The following ACAP2 variants were observed in gnomAD, a reference collection of about 807,000 sequenced individuals.
ACAP2 encodes ArfGAP with coiled-coil, ankyrin repeat and PH domains 2.
ACAP2 carries 39 observed loss-of-function variants against 115.8 expected under a neutral mutation model. That is an observed-to-expected ratio of 0.34 (90% CI 0.26 to 0.44). The LOEUF (loss-of-function observed/expected upper bound fraction) is 0.44. Among genes scored for constraint, ACAP2 ranks in the 20% least tolerant of loss-of-function variants. The pLI is 1.00. For missense variants in ACAP2, 662 were observed against 927.6 expected (o/e 0.71, Z 3.72); for synonymous variants, 289 against 315.8 (o/e 0.92, Z 0.90).
Position 195,326,909 on chromosome 3 carries a change from T to C in ACAP2, c.720A>G (p.Gln240=). The C allele has an allele frequency of 6.2e-7, 1 of 1,614,048 alleles. No individual in the cohort carries two copies. The highest frequency in any genetic ancestry group is 8.5e-7 in the Non-Finnish European group (1 of 1,179,970). ...DAAKEKREME[Q]KHSTIQQKDF... is the part of the protein sequence containing the mutation. Reference sequence around the variant, plus strand: ...CCTTTTGTTGAATGGTGGAATGTTTTTGCTCCATTTCTCTTTTCTCCTTTG... The same window carrying C: ...CCTTTTGTTGAATGGTGGAATGTTTCTGCTCCATTTCTCTTTTCTCCTTTG... Residue 240 remains glutamine, a synonymous_variant, in exon 9 of 23, where the codon CAA becomes CAG. Transcript: ENST00000326793.
chr3:195,303,382 C>A (rs952299523), intron 13 of ACAP2, among the ~76,000 whole-genome samples: 1 of 151,832 alleles, frequency 6.6e-6, no homozygotes, highest in African/African-American at 2.4e-5. Context: ...GCACTCCAGC[C>A]TGGGTGACAG....
intron 4 of ACAP2, among the ~76,000 whole-genome samples, chr3:195,364,313 C>A (rs1019361798): frequency 6.6e-6 from 1 of 152,100 alleles, no homozygotes; most frequent in African/African-American, 2.4e-5. Flanking sequence ...AAAAGACATA[C>A]AAATGGCCAA....
chr3:195,432,150 T>G (rs1715177425), intron 1 of ACAP2, among the ~76,000 whole-genome samples: 1 of 152,224 alleles, frequency 6.6e-6, no homozygotes. Flanking sequence ...TGCATGACTT[T>G]TAATGTTCTG....
intron 4 of ACAP2, among the ~76,000 whole-genome samples, chr3:195,372,016 G>A (rs1733184248): frequency 6.6e-6 from 1 of 152,114 alleles, no homozygotes; most frequent in Admixed American, 6.6e-5. Context: ...TTTTAAGAAA[G>A]CAGAATTACA....
chr3:195,384,891 A>T (rs1734190956), intron 2 of ACAP2, among the ~76,000 whole-genome samples: 1 of 152,194 alleles, frequency 6.6e-6, no homozygotes, highest in Non-Finnish European at 1.5e-5. Flanking sequence ...AAAAATAATT[A>T]AAAGTTTCCA....
chr3:195,382,109 T>C, intron 2 of ACAP2, 87 bp from the exon 3 acceptor site: 1 of 1,272,326 alleles, frequency 7.9e-7, no homozygotes, highest in Non-Finnish European at 1.1e-6. Flanking sequence ...CTATATGAGG[T>C]GACCTAGTTA....
At chr3:195,431,758 C>A (rs569187935) in intron 1 of ACAP2, among the ~76,000 whole-genome samples, 1 of 151,992 alleles carries the variant, frequency 6.6e-6, no homozygotes, top group South Asian at 2.1e-4. Context: ...CTATGTTTAA[C>A]TTCTTATCTT....
chr3:195,357,601 C>T (rs576876653), intron 4 of ACAP2: 1 of 152,330 alleles, frequency 6.6e-6, no homozygotes, highest in Admixed American at 6.5e-5. Flanking sequence ...CTTGTATCAC[C>T]CCTCTCCAAG....
chr3:195,279,083 ACTT>A lies in ACAP2; in HGVS notation c.*242_*244del. ...TAGAGATGGCCTAAATCTAGACTGA[ACTT>A]CTGTCTACAGAAATAGCCCTTTAAA... is the stretch of plus-strand genomic sequence containing the variant. On this transcript the variant is annotated 3_prime_UTR_variant, in exon 23 of 23. Coordinates refer to ENST00000326793, the MANE Select transcript of ACAP2 (RefSeq NM_012287.6). 3.1e-6 allele frequency: 1 copy of A among 319,638 alleles called. No individual in the cohort carries two copies. Among genetic ancestry groups the A allele is most frequent in the Non-Finnish European group, 5.6e-6 (1 of 177,194 alleles). The allele number at this position is 319,638 out of a possible 1,614,324, so 19.8% of individuals were successfully genotyped here. A position where few individuals can be genotyped will look rare whatever the true frequency, so the allele number is the denominator to read the frequency against.
At position 195,299,666 on chromosome 3, in the gene ACAP2, A is replaced by G. The variant is rs528526107; in HGVS notation, c.1395+1909T>C. 2.0e-5 allele frequency among the ~76,000 whole-genome samples: 3 copies of G among 152,288 alleles called. No individual in the cohort carries two copies. In the South Asian group the frequency reaches 6.2e-4, roughly 32 times the overall value. On this transcript the variant is annotated intron_variant, in intron 15 of 22. Transcript: ENST00000326793. The stretch of plus-strand genomic sequence containing the variant: ...AACCTGGCTAAGACGGTGAAACTCC[A>G]TCTCTACTAAAAATACAAAAAATTA...
intron 1 of ACAP2, chr3:195,412,945 A>C (rs781611604): frequency 1.8e-5 from 8 of 455,452 alleles, no homozygotes; most frequent in South Asian, 1.1e-4. Flanking sequence ...ATTAGTAAAC[A>C]GATATGAAAT....
chr3:195,345,022 T>A (rs1045073576), intron 5 of ACAP2, among the ~76,000 whole-genome samples: 1 of 152,284 alleles, frequency 6.6e-6, no homozygotes, highest in African/African-American at 2.4e-5. Context: ...TAGCTACATA[T>A]CCTAGCCAAG....
intron 10 of ACAP2, among the ~76,000 whole-genome samples, chr3:195,315,318 G>C (rs1040973243): frequency 1.3e-5 from 2 of 152,190 alleles, no homozygotes; most frequent in African/African-American, 4.8e-5. Flanking sequence ...ACAATGACTG[G>C]CCTTATATGC....
chr3:195,360,690 A>G (rs1372335930), intron 4 of ACAP2, among the ~76,000 whole-genome samples: 2 of 152,214 alleles, frequency 1.3e-5, no homozygotes, highest in African/African-American at 4.8e-5. Flanking sequence ...GCAGTTTGGG[A>G]AGCCAAGGCA....
chr3:195,420,520 T>A (rs1349771627), intron 1 of ACAP2, among the ~76,000 whole-genome samples: 1 of 151,902 alleles, frequency 6.6e-6, no homozygotes, highest in African/African-American at 2.4e-5. Context: ...GGCTAATTTT[T>A]TGTACTTTTA....
In ACAP2 at chr3:195,387,099, C is replaced by T. The variant is rs138752382; in HGVS notation, c.111+4991G>A. On this transcript the variant is annotated intron_variant, in intron 2 of 22. Transcript: ENST00000326793. The stretch of plus-strand genomic sequence containing the variant: ...CGCTGCAGCTATCCAGGAGGAAGGA[C>T]GGACTTGGCAATGAAGAGGGAGGGA... 1.5e-3 allele frequency among the ~76,000 whole-genome samples: 231 copies of T among 152,100 alleles called. 2 individuals are homozygous for T. The highest frequency in any genetic ancestry group is 5.2e-3 in the African/African-American group (217 of 41,482).
At chr3:195,386,893 C>T (rs1290511461) in intron 2 of ACAP2, among the ~76,000 whole-genome samples, 2 of 151,870 alleles carry the variant, frequency 1.3e-5, no homozygotes, top group African/African-American at 2.4e-5. Flanking sequence ...AGGCTGAGAA[C>T]TGGAAGGACT....
At chr3:195,302,400 A>G (rs1329725224) in intron 13 of ACAP2, among the ~76,000 whole-genome samples, 2 of 152,214 alleles carry the variant, frequency 1.3e-5, no homozygotes, top group African/African-American at 4.8e-5. Flanking sequence ...TTAAAATTAT[A>G]TATAATAAAT....
At chr3:195,404,709 T>TATAC (rs1712597308) in intron 1 of ACAP2, among the ~76,000 whole-genome samples, 1 of 65,922 alleles carries the variant, frequency 1.5e-5, no homozygotes, top group African/African-American at 1.1e-4. Context: ...ATATATAGTT[T>TATAC]ATATACACAC....
Sources: gnomAD v4.1 joint callset for allele counts (sites outside exome capture counted in the v4.1 genomes callset) on GRCh38, gnomAD v4.1.1 for gene constraint, MANE v1.5 for transcripts, NCBI Gene and HGNC (gene_info 2026-07-23, HGNC 2026-07-21) for gene names.